SETX: variants seen among roughly 807,000 people sequenced by gnomAD.
The protein encoded by SETX is helicase senataxin.
SETX carries 90 observed loss-of-function variants against 227.2 expected under a neutral mutation model. The ratio of observed to expected loss-of-function variants is 0.40; its 90% CI spans 0.33 to 0.47. The LOEUF is 0.47. Among genes scored for constraint, SETX ranks in the 20% least tolerant of loss-of-function variants. SETX has a pLI of 0.91. For synonymous variants in SETX, 1,210 were observed against 1,113.2 expected (o/e 1.09, Z -1.73); for missense variants, 3,052 against 3,181.5 (o/e 0.96, Z 0.98).
intron 4 of SETX, among the ~76,000 whole-genome samples, chr9:132,344,011 C>A (rs374737375): frequency 6.6e-6 from 1 of 152,136 alleles, no homozygotes; most frequent in Non-Finnish European, 1.5e-5. Flanking sequence ...ATAGTTGGCA[C>A]GTGCAGGGGT....
At chr9:132,271,918 T>A (rs1485504696) in intron 23 of SETX, 110 bp from the exon 24 acceptor site, 3 of 880,350 alleles carry the variant, frequency 3.4e-6, no homozygotes, top group Non-Finnish European at 5.3e-6. Flanking sequence ...AGTCTCACTC[T>A]GTCGCCCAGG....
chr9:132,307,435 ATGCCCAGAT>A (rs1276851322), intron 11 of SETX, among the ~76,000 whole-genome samples: 1 of 152,044 alleles, frequency 6.6e-6, no homozygotes, highest in Admixed American at 6.6e-5. Flanking sequence ...AGCATATAGC[ATGCCCAGAT>A]TGGTGTTGAA....
In SETX at chr9:132,329,520, C is replaced by T. The variant is rs762429140; in HGVS notation, c.2078G>A (p.Ser693Asn). 13 of 1,612,558 alleles carry T rather than the reference C, an allele frequency of 8.1e-6. No homozygotes were observed. Among genetic ancestry groups the T allele is most frequent in the East Asian group, 2.2e-5 (1 of 44,866 alleles). Reference sequence around the variant, plus strand: ...AGCTCTTTCAGTAAAAATGTTTTTACTACTCTGCTTTAAGCATGACCCAGC... The same window carrying T: ...AGCTCTTTCAGTAAAAATGTTTTTATTACTCTGCTTTAAGCATGACCCAGC... ...LLAGSCLKQS[S>N]KNIFTERAED... Residue 693 changes from serine (S) to asparagine (N), a missense_variant, in exon 10 of 26, where the codon AGT (serine) becomes AAT (asparagine). Physicochemically the swap from Ser to Asn is conservative, Grantham distance 46 (BLOSUM62 1). Coordinates refer to ENST00000224140, the MANE Select transcript of SETX (RefSeq NM_015046.7).
At chr9:132,290,104 G>A (rs1589654137) in intron 15 of SETX, among the ~76,000 whole-genome samples, 1 of 152,206 alleles carries the variant, frequency 6.6e-6, no homozygotes, top group Non-Finnish European at 1.5e-5. Context: ...AGCTACTCAG[G>A]AGGCTGAGGC....
rs1433769740 is a variant in SETX, at chr9:132,289,733, G to T, written c.6107-1082C>A. Among the ~76,000 whole-genome samples the T allele has an allele frequency of 3.3e-5, 5 of 151,938 alleles. No individual in the cohort carries two copies. The East Asian group carries it at 7.7e-4, about 23-fold the overall frequency. On this transcript the variant is annotated intron_variant, in intron 15 of 25. Coordinates refer to ENST00000224140, the MANE Select transcript of SETX (RefSeq NM_015046.7). ...TCACCTTGATACTCTAGAAACTAAGGGACACAAGATGATAGAAATTCTTGG... is the reference window on the plus strand; with the variant it reads ...TCACCTTGATACTCTAGAAACTAAGTGACACAAGATGATAGAAATTCTTGG...
intron 10 of SETX, among the ~76,000 whole-genome samples, chr9:132,324,560 T>C (rs544549619): frequency 6.6e-6 from 1 of 152,288 alleles, no homozygotes; most frequent in East Asian, 1.9e-4. Context: ...AGTGTAAATA[T>C]CATCTGCTCA....
In SETX at chr9:132,288,590, AACCTC is replaced by A; in HGVS notation, c.6163_6167del (p.Glu2055SerfsTer26). ...CTTGGCTGTCCAAACTGAACTTTAGAACCTCACTATTAATAGACTTTTCTGGACCC... is the reference window on the plus strand; with the variant it reads ...CTTGGCTGTCCAAACTGAACTTTAGAACTATTAATAGACTTTTCTGGACCC... On this transcript the variant is annotated frameshift_variant, in exon 16 of 26. Coordinates refer to ENST00000224140, the MANE Select transcript of SETX (RefSeq NM_015046.7). LOFTEE classifies it high-confidence loss of function. 1 of 1,613,912 alleles carries A rather than the reference AACCTC, an allele frequency of 6.2e-7. No individual in the cohort carries two copies. Among genetic ancestry groups the A allele is most frequent in the South Asian group, 1.1e-5 (1 of 91,076 alleles).
chr9:132,326,738 A>C lies in SETX; in HGVS notation c.4860T>G (p.Leu1620=), dbSNP rs758938142. 1.7e-5 allele frequency: 27 copies of C among 1,614,110 alleles called. No individual in the cohort carries two copies. The highest frequency in any genetic ancestry group is 2.7e-5 in the African/African-American group (2 of 74,932). ...LSKSLETSSA[L]SPSLKNKSKG... ...TTGACTTATTTTTTAGAGACGGTGA[A>C]AGTGCTGAAGAAGTTTCCAAAGATT... is the stretch of plus-strand genomic sequence containing the variant. Residue 1620 remains leucine (L), a synonymous_variant, in exon 10 of 26, where the codon CTT becomes CTG. Transcript: ENST00000224140.
At chr9:132,338,988 C>T (rs1847803500) in intron 5 of SETX, among the ~76,000 whole-genome samples, 1 of 152,100 alleles carries the variant, frequency 6.6e-6, no homozygotes, top group Admixed American at 6.6e-5. Flanking sequence ...GTCTTGAATT[C>T]TTGGCTTCAA....
intron 7 of SETX, among the ~76,000 whole-genome samples, chr9:132,333,709 T>A (rs1220480750): frequency 8.5e-5 from 13 of 152,094 alleles, no homozygotes; most frequent in Admixed American, 8.5e-4. Context: ...CAGGATCTAA[T>A]AATAAACATG....
At chr9:132,321,846 T>C (rs906805688) in intron 10 of SETX, among the ~76,000 whole-genome samples, 10 of 151,998 alleles carry the variant, frequency 6.6e-5, no homozygotes, top group African/African-American at 2.4e-4. Context: ...AGACTCCGTC[T>C]GAAGAAAAAA....
In SETX at chr9:132,327,505, GTCT is replaced by G. The variant is rs1300386374; in HGVS notation, c.4090_4092del (p.Arg1364del). ...ACATCTGTACTTTCACAATCAGAAA[GTCT>G]TCGTCTATTTTTTTGTGATTTGGGT... On this transcript the variant is annotated inframe_deletion, in exon 10 of 26. Transcript: ENST00000224140. 9.3e-6 allele frequency: 15 copies of G among 1,614,086 alleles called. No homozygotes were observed. In the South Asian group the frequency reaches 1.5e-4, roughly 17 times the overall value.
intron 5 of SETX, among the ~76,000 whole-genome samples, chr9:132,340,421 G>T (rs1411054484): frequency 6.6e-6 from 1 of 152,202 alleles, no homozygotes; most frequent in Non-Finnish European, 1.5e-5. Flanking sequence ...TTTAGTTTGT[G>T]AATTCCTTTT....
At chr9:132,303,102 T>C (rs895676081) in intron 11 of SETX, among the ~76,000 whole-genome samples, 1 of 152,100 alleles carries the variant, frequency 6.6e-6, no homozygotes, top group Non-Finnish European at 1.5e-5. Flanking sequence ...ACTGCAGCCT[T>C]GAACACTTGG....
At position 132,281,477 on chromosome 9, in the gene SETX, ACTGTCGGAGGGAGCTG is replaced by A; in HGVS notation, c.6628_6643del (p.Gln2210SerfsTer4). 1 of 1,612,126 alleles carries A rather than the reference ACTGTCGGAGGGAGCTG, an allele frequency of 6.2e-7. No homozygotes were observed. The highest frequency in any genetic ancestry group is 8.5e-7 in the Non-Finnish European group (1 of 1,178,218). The stretch of plus-strand genomic sequence containing the variant: ...ACATAAAAAACTTACCATAGAGATG[ACTGTCGGAGGGAGCTG>A]CTTAGGATCTCCTACTAGGATGAGC... On this transcript the variant is annotated frameshift_variant, in exon 20 of 26. Coordinates refer to ENST00000224140, the MANE Select transcript of SETX (RefSeq NM_015046.7). LOFTEE classifies it high-confidence loss of function.
intron 18 of SETX, among the ~76,000 whole-genome samples, chr9:132,284,817 C>T (rs951395992): frequency 1.3e-4 from 20 of 152,102 alleles, no homozygotes; most frequent in African/African-American, 4.6e-4. Context: ...CACCCTCATC[C>T]TAAAGCTCAT....
Position 132,264,810 on chromosome 9 carries a change from C to T in SETX, c.7463G>A (p.Gly2488Asp), listed in dbSNP as rs1015495294. ...TIAPEGSRPQ[G>D]GLPSSKLDSG... is the part of the protein sequence containing the mutation. The stretch of plus-strand genomic sequence containing the variant: ...GTCTAGCTTGCTGCTGGGCAAACCA[C>T]CCTGGGGTCTGGACCCCTCTGGGGC... Residue 2488 changes from glycine (G) to aspartate (D), a missense_variant, in exon 26 of 26, where the codon GGT (glycine) becomes GAT (aspartate). Coordinates refer to ENST00000224140, the MANE Select transcript of SETX (RefSeq NM_015046.7). The T allele has an allele frequency of 3.1e-6, 5 of 1,614,078 alleles. No homozygotes were observed. The African/African-American group carries it at 6.7e-5, about 22-fold the overall frequency.
Position 132,327,179 on chromosome 9 carries a change from A to T in SETX, c.4419T>A (p.Arg1473=). Residue 1473 remains arginine, a synonymous_variant, in exon 10 of 26, where the codon CGT becomes CGA. Coordinates refer to ENST00000224140, the MANE Select transcript of SETX (RefSeq NM_015046.7). Reference sequence around the variant, plus strand: ...CTTTCAAAGCTGCCATCTCTATATGACGTGCTGTTGGATCACCTCCACCCA... The same window carrying T: ...CTTTCAAAGCTGCCATCTCTATATGTCGTGCTGTTGGATCACCTCCACCCA... ...DPLGGGDPTA[R]HIEMAALKEG... 1 of 1,614,182 alleles carries T rather than the reference A, an allele frequency of 6.2e-7. No individual in the cohort carries two copies. Among genetic ancestry groups the T allele is most frequent in the Non-Finnish European group, 8.5e-7 (1 of 1,180,038 alleles).
chr9:132,269,925 CAG>C (rs1250250585), intron 24 of SETX, among the ~76,000 whole-genome samples: 2 of 116,206 alleles, frequency 1.7e-5, no homozygotes, highest in Admixed American at 1.7e-4. Flanking sequence ...ATGTGAGACA[CAG>C]GTGGACTCTA....
Sources: allele counts gnomAD v4.1 joint callset (sites outside exome capture counted in the v4.1 genomes callset), GRCh38; gene constraint gnomAD v4.1.1; transcripts MANE v1.5; gene names NCBI Gene and HGNC (gene_info 2026-07-23, HGNC 2026-07-21).